PGPEP1L: variants seen among roughly 807,000 people sequenced by gnomAD.
The protein encoded by PGPEP1L is pyroglutamyl-peptidase 1-like protein.
A neutral mutation model predicts 6.0 loss-of-function variants in PGPEP1L; 7 were observed. The ratio of observed to expected loss-of-function variants is 1.17; its 90% CI spans 0.66 to 2.19. The LOEUF is 2.19. Ranked by LOEUF, PGPEP1L falls within the 30% of genes most tolerant of loss-of-function variation. PGPEP1L has a pLI of 0.00. For missense variants in PGPEP1L, 209 were observed against 192.5 expected, an observed-to-expected ratio of 1.09 and a Z score of -0.51; for synonymous variants, 103 against 83.9, an observed-to-expected ratio of 1.23 and a Z score of -1.24.
At chr15:98,984,009 CTTTTTTTT>C (rs71456904) in intron 2 of PGPEP1L, among the ~76,000 whole-genome samples, 9 of 115,728 alleles carry the variant, frequency 7.8e-5, no homozygotes, top group African/African-American at 3.2e-4. Flanking sequence ...AGTAAGTAGT[CTTTTTTTT>C]TTTTTTTTTT....
chr15:98,999,197 T>C (rs1555472736), intron 2 of PGPEP1L, among the ~76,000 whole-genome samples: 1 of 152,072 alleles, frequency 6.6e-6, no homozygotes, highest in Admixed American at 6.5e-5. Context: ...AATCATGTAT[T>C]TCACCAAGGC....
chr15:98,977,574 T>C (rs1316357810), intron 2 of PGPEP1L, among the ~76,000 whole-genome samples: 3 of 152,382 alleles, frequency 2.0e-5, no homozygotes, highest in East Asian at 1.9e-4. Context: ...CTTTTGAATT[T>C]ATTCAGACTG....
intron 2 of PGPEP1L, among the ~76,000 whole-genome samples, chr15:98,976,243 A>G (rs2017568175): frequency 1.3e-5 from 2 of 152,212 alleles, no homozygotes; most frequent in Non-Finnish European, 2.9e-5. Context: ...AATGTTATAC[A>G]TATTTTACCA....
chr15:98,983,158 GAA>G lies in PGPEP1L; in HGVS notation c.-141-12002_-141-12001del, dbSNP rs555591048. On this transcript the variant is annotated intron_variant, in intron 2 of 4. Coordinates refer to ENST00000535714, the MANE Select transcript of PGPEP1L (RefSeq NM_001167902.2). ...GTGGGAAGAATAAAGGTTCTCTTGG[GAA>G]AAAAAAAAAAAGAAGAATCAAGAGA... Among the ~76,000 whole-genome samples, 188 of 75,256 alleles carry G rather than the reference GAA, an allele frequency of 2.5e-3. 3 individuals are homozygous for G. In the South Asian group the frequency reaches 0.031, roughly 12 times the overall value. 49.4% of individuals were successfully genotyped at this position (75,256 alleles called of 152,430 possible). A position where few individuals can be genotyped will look rare whatever the true frequency, so the allele number is the denominator to read the frequency against.
intron 2 of PGPEP1L, among the ~76,000 whole-genome samples, chr15:98,979,800 C>T (rs560267038): frequency 4.5e-4 from 68 of 152,130 alleles, no homozygotes; most frequent in Non-Finnish European, 8.7e-4. Flanking sequence ...CAGGCGAGTG[C>T]CACCACACCC....
chr15:98,989,069 CTCT>C (rs1313822144), intron 2 of PGPEP1L, among the ~76,000 whole-genome samples: 2 of 152,126 alleles, frequency 1.3e-5, no homozygotes, highest in Admixed American at 6.5e-5. Flanking sequence ...ACCAGAATGC[CTCT>C]TCACCTCAAA....
Position 99,000,252 on chromosome 15 carries a change from G to T in PGPEP1L, c.-142+5177C>A, listed in dbSNP as rs544103469. On this transcript the variant is annotated intron_variant, in intron 2 of 4. Transcript: ENST00000535714. ...CTTAGCTGCCTTCCTGCCGGGCAGG[G>T]CTCAGGACCTGCAGCCCGCCATGCC... 7.9e-5 allele frequency among the ~76,000 whole-genome samples: 12 copies of T among 152,350 alleles called. 1 individual carries two copies. The South Asian group carries it at 2.3e-3, about 29-fold the overall frequency.
Position 98,969,554 on chromosome 15 carries a change from A to C in PGPEP1L, c.80T>G (p.Phe27Cys). Residue 27 changes from phenylalanine (F) to cysteine (C), a missense_variant, in exon 4 of 5, where the codon TTC becomes TGC. By Grantham distance (205) the Phe-to-Cys change is radical. Coordinates refer to ENST00000535714, the MANE Select transcript of PGPEP1L (RefSeq NM_001167902.2). ...QGYRDADIRS[F>C]WPEGGVCLPG... ...TAGGCACACGCCGCCCTCGGGCCAGAAGCTGCGGATGTCGGCGTCCCGGTA... is the reference window on the plus strand; with the variant it reads ...TAGGCACACGCCGCCCTCGGGCCAGCAGCTGCGGATGTCGGCGTCCCGGTA... 1 of 1,613,904 alleles carries C rather than the reference A, an allele frequency of 6.2e-7. No individual in the cohort carries two copies. Among genetic ancestry groups the C allele is most frequent in the East Asian group, 2.2e-5 (1 of 44,898 alleles).
Position 98,968,562 on chromosome 15 carries a change from T to C in PGPEP1L, c.345A>G (p.Glu115=), listed in dbSNP as rs1271202682. The C allele has an allele frequency of 2.5e-5, 39 of 1,582,594 alleles. No homozygotes were observed. The highest frequency in any genetic ancestry group is 3.2e-5 in the Non-Finnish European group (37 of 1,162,522). ...TGGGCTTTCCCACCTCTTCCAGCATTTCCTGGATGATGACTCTCAAGGCTC... is the reference window on the plus strand; with the variant it reads ...TGGGCTTTCCCACCTCTTCCAGCATCTCCTGGATGATGACTCTCAAGGCTC... ...LGRALRVIIQ[E]MLEEVGKPKH... The change falls in exon 5 of 5, where the codon GAA becomes GAG. Residue 115 remains glutamate, a synonymous_variant. Transcript: ENST00000535714.
At chr15:99,006,735 G>A (rs2018071425) in intron 1 of PGPEP1L, among the ~76,000 whole-genome samples, 1 of 152,218 alleles carries the variant, frequency 6.6e-6, no homozygotes, top group Non-Finnish European at 1.5e-5. Flanking sequence ...AGGATCACTT[G>A]AGCCGTCAGT....
At chr15:98,980,342 G>T (rs757338540) in intron 2 of PGPEP1L, among the ~76,000 whole-genome samples, 4 of 152,196 alleles carry the variant, frequency 2.6e-5, no homozygotes, top group South Asian at 4.1e-4. Flanking sequence ...AAGGGAGGAG[G>T]GGGGAGGAAA....
intron 2 of PGPEP1L, among the ~76,000 whole-genome samples, chr15:99,004,830 G>A (rs2018026097): frequency 6.6e-6 from 1 of 152,074 alleles, no homozygotes; most frequent in Admixed American, 6.6e-5. Context: ...ATGTGCTGGT[G>A]TTTGCAGGAG....
At chr15:98,969,787 C>T in intron 3 of PGPEP1L, 136 bp from the exon 4 acceptor site, 1 of 762,770 alleles carries the variant, frequency 1.3e-6, no homozygotes, top group East Asian at 2.7e-5. Flanking sequence ...CACTGGGAAA[C>T]CCCAGGATCC....
intron 2 of PGPEP1L, among the ~76,000 whole-genome samples, chr15:98,976,192 C>T (rs58060839): frequency 0.062 from 9,426 of 152,156 alleles, 430 homozygotes; most frequent in African/African-American, 0.13. Flanking sequence ...CTTACTTGTA[C>T]ACTTTAAAGG....
chr15:98,982,156 G>A lies in PGPEP1L; in HGVS notation c.-141-10998C>T, dbSNP rs970673806. Reference sequence around the variant, plus strand: ...TTACTAGGAGCACGGTGTTTGTGGGGAGGACTGTGAAGCCACAGCAGACAC... The same window carrying A: ...TTACTAGGAGCACGGTGTTTGTGGGAAGGACTGTGAAGCCACAGCAGACAC... On this transcript the variant is annotated intron_variant, in intron 2 of 4. Coordinates refer to ENST00000535714, the MANE Select transcript of PGPEP1L (RefSeq NM_001167902.2). Among the ~76,000 whole-genome samples the A allele has an allele frequency of 2.0e-5, 3 of 152,322 alleles. No individual in the cohort carries two copies. In the South Asian group the frequency reaches 6.2e-4, roughly 32 times the overall value.
At chr15:99,002,394 T>TAAAGAGCTAGCAA (rs2017985622) in intron 2 of PGPEP1L, among the ~76,000 whole-genome samples, 1 of 152,142 alleles carries the variant, frequency 6.6e-6, no homozygotes, top group Admixed American at 6.5e-5. Flanking sequence ...GGTGTGGCTG[T>TAAAGAGCTAGCAA]AAAGAGCTAG....
chr15:98,987,595 T>C (rs1388983386), intron 2 of PGPEP1L, among the ~76,000 whole-genome samples: 2 of 152,144 alleles, frequency 1.3e-5, no homozygotes, highest in African/African-American at 4.8e-5. Context: ...TATGGGGTGA[T>C]TTTTGGTCTC....
intron 2 of PGPEP1L, among the ~76,000 whole-genome samples, chr15:98,996,098 CTT>C (rs1396857858): frequency 6.6e-6 from 1 of 152,022 alleles, no homozygotes; most frequent in African/African-American, 2.4e-5. Context: ...GTGATTCTAT[CTT>C]TAAGTATTTC....
chr15:98,971,031 C>G lies in PGPEP1L; in HGVS notation c.-19+5G>C. On this transcript the variant is annotated splice_donor_5th_base_variant and intron_variant, in intron 3 of 4. Coordinates refer to ENST00000535714, the MANE Select transcript of PGPEP1L (RefSeq NM_001167902.2). ...CATGCCCCACTGCCTCTGGCCATCA[C>G]TTACTTGCGGCTGATGATCTTCCCA... 1 of 1,613,568 alleles carries G rather than the reference C, an allele frequency of 6.2e-7. No homozygotes were observed. Among genetic ancestry groups the G allele is most frequent in the Non-Finnish European group, 8.5e-7 (1 of 1,179,612 alleles).
Sources: gnomAD v4.1 joint callset for allele counts (sites outside exome capture counted in the v4.1 genomes callset) on GRCh38, gnomAD v4.1.1 for gene constraint, MANE v1.5 for transcripts, NCBI Gene and HGNC (gene_info 2026-07-23, HGNC 2026-07-21) for gene names.